The following SPTLC1 variants were observed in gnomAD, a reference collection of about 807,000 sequenced individuals.
SPTLC1 encodes the protein serine palmitoyltransferase long chain base subunit 1, also known as serine palmitoyltransferase 1.
SPTLC1 carries 55 observed loss-of-function variants against 68.9 expected under a neutral mutation model. The ratio of observed to expected loss-of-function variants is 0.80; its 90% CI spans 0.64 to 1.00. The LOEUF (loss-of-function observed/expected upper bound fraction) is 1.00. SPTLC1 is among the 50% of genes least tolerant of loss of function. The pLI is 0.00. For missense variants in SPTLC1, 449 were observed against 573.1 expected (o/e 0.78, Z 2.21); for synonymous variants, 197 against 201.6 (o/e 0.98, Z 0.19).
intron 12 of SPTLC1, among the ~76,000 whole-genome samples, chr9:92,042,479 T>C (rs866541659): frequency 2.0e-5 from 3 of 152,036 alleles, no homozygotes; most frequent in African/African-American, 7.2e-5. Context: ...AATAATCAAG[T>C]AGAAAATATA....
chr9:92,054,201 A>T (rs1037701634), intron 8 of SPTLC1, among the ~76,000 whole-genome samples: 16 of 152,208 alleles, frequency 1.1e-4, no homozygotes, highest in African/African-American at 3.9e-4. Flanking sequence ...GAATCACTTG[A>T]ACCCAGGAGC....
chr9:92,062,887 G>A (rs561035200), intron 6 of SPTLC1, among the ~76,000 whole-genome samples: 1 of 152,274 alleles, frequency 6.6e-6, no homozygotes, highest in African/African-American at 2.4e-5. Flanking sequence ...GTAGTGTTGA[G>A]AGGGCAATTC....
At chr9:92,062,549 T>C (rs1406481871) in intron 6 of SPTLC1, among the ~76,000 whole-genome samples, 1 of 152,178 alleles carries the variant, frequency 6.6e-6, no homozygotes, top group Non-Finnish European at 1.5e-5. Context: ...AATACACATT[T>C]TTTAAGTGCC....
chr9:92,114,534 G>A (rs958696940), intron 1 of SPTLC1, among the ~76,000 whole-genome samples: 4 of 152,030 alleles, frequency 2.6e-5, no homozygotes, highest in African/African-American at 7.2e-5. Flanking sequence ...TCGGGAGTTC[G>A]AGACCAGCCT....
intron 3 of SPTLC1, among the ~76,000 whole-genome samples, chr9:92,089,949 A>C (rs1394719819): frequency 1.3e-5 from 2 of 152,222 alleles, no homozygotes; most frequent in East Asian, 3.8e-4. Flanking sequence ...CAGGGCAAAT[A>C]ATGATCCACT....
chr9:92,113,053 G>A (rs1836306027), intron 1 of SPTLC1, among the ~76,000 whole-genome samples: 1 of 151,296 alleles, frequency 6.6e-6, no homozygotes, highest in African/African-American at 2.4e-5. Context: ...GTTGTGGTGA[G>A]CCGAGATCAC....
chr9:92,038,378 A>G lies in SPTLC1; in HGVS notation c.1137-13T>C, dbSNP rs1398260318. 6.6e-7 allele frequency: 1 copy of G among 1,517,952 alleles called. No individual in the cohort carries two copies. Among genetic ancestry groups the G allele is most frequent in the Non-Finnish European group, 9.1e-7 (1 of 1,093,532 alleles). The allele number at this position is 1,517,952 out of a possible 1,614,324, so 94.0% of individuals were successfully genotyped here. A position where few individuals can be genotyped will look rare whatever the true frequency, so the allele number is the denominator to read the frequency against. On this transcript the variant is annotated splice_polypyrimidine_tract_variant and intron_variant, in intron 12 of 14. Transcript: ENST00000262554. ...TAATCCAGAAATGCTGAAGAAGGGA[A>G]ACACACACACAGCTGTAAGTCCCTT... is the stretch of plus-strand genomic sequence containing the variant.
At chr9:92,115,117 G>GC in intron 1 of SPTLC1, 197 bp downstream of exon 1, 6 of 560,908 alleles carry the variant, frequency 1.1e-5, no homozygotes, top group Non-Finnish European at 1.6e-5. Context: ...CTCAGTCCCA[G>GC]CCCCCGCCCC....
At position 92,080,876 on chromosome 9, in the gene SPTLC1, C is replaced by G. The variant is rs1834856783; in HGVS notation, c.348G>C (p.Arg116Ser). ...AGCAATATGTGCTACTCACCTTAAC[C>G]CTAGGGTTATCCAACAATCCAAGAA... ...FNFLGLLDNPRVKAAALASLK... is the reference protein window; with the variant it reads ...FNFLGLLDNPSVKAAALASLK... The change falls in exon 4 of 15, where the codon AGG becomes AGC. Residue 116 changes from arginine to serine, a missense_variant. By Grantham distance (110) the Arg-to-Ser change is moderately radical. This residue lies in a region of SPTLC1 where 391 missense variants were observed against 472.1 expected (regional missense o/e 0.83). Transcript: ENST00000262554. 2 of 1,611,634 alleles carry G rather than the reference C, an allele frequency of 1.2e-6. No individual in the cohort carries two copies. Among genetic ancestry groups the G allele is most frequent in the Non-Finnish European group, 1.7e-6 (2 of 1,177,884 alleles).
At chr9:92,104,613 A>T in intron 3 of SPTLC1, 1 of 1,476,006 alleles carries the variant, frequency 6.8e-7, no homozygotes, top group Non-Finnish European at 9.2e-7. Flanking sequence ...CCTTCATTAG[A>T]TGAGCAGGTG....
At chr9:92,074,382 A>G (rs1564101035) in intron 5 of SPTLC1, among the ~76,000 whole-genome samples, 1 of 152,040 alleles carries the variant, frequency 6.6e-6, no homozygotes, top group African/African-American at 2.4e-5. Context: ...TTAGACCAAG[A>G]TATTTTAACT....
chr9:92,090,469 G>A (rs1298161785), intron 3 of SPTLC1, among the ~76,000 whole-genome samples: 1 of 151,938 alleles, frequency 6.6e-6, no homozygotes, highest in Non-Finnish European at 1.5e-5. Context: ...AATATTAGCC[G>A]GGTGTGGTGG....
At chr9:92,081,841 A>C (rs1272018662) in intron 3 of SPTLC1, among the ~76,000 whole-genome samples, 1 of 152,256 alleles carries the variant, frequency 6.6e-6, no homozygotes, top group East Asian at 1.9e-4. Flanking sequence ...CACTGTAGCC[A>C]GAAAAAATGG....
At chr9:92,106,885 C>G (rs537297795) in intron 3 of SPTLC1, among the ~76,000 whole-genome samples, 64 of 152,192 alleles carry the variant, frequency 4.2e-4, no homozygotes, top group Middle Eastern at 3.4e-3. Flanking sequence ...CCTCCTACAC[C>G]CATATGTGTG....
At chr9:92,079,158 C>T (rs1001880259) in intron 5 of SPTLC1, 6 of 402,964 alleles carry the variant, frequency 1.5e-5, no homozygotes, top group Non-Finnish European at 2.2e-5. Context: ...TCACTGCAAC[C>T]TCTGCCTCCC....
chr9:92,072,961 C>A (rs550237360), intron 5 of SPTLC1, among the ~76,000 whole-genome samples: 62 of 151,932 alleles, frequency 4.1e-4, no homozygotes, highest in Middle Eastern at 3.4e-3. Context: ...CTCCCCCCAA[C>A]CCACCTATCC....
chr9:92,078,252 G>T (rs1834753242), intron 5 of SPTLC1, among the ~76,000 whole-genome samples: 1 of 152,180 alleles, frequency 6.6e-6, no homozygotes, highest in African/African-American at 2.4e-5. Flanking sequence ...AGCAGTCACA[G>T]AAAGCTTTCA....
chr9:92,039,452 G>A (rs907495645), intron 12 of SPTLC1, among the ~76,000 whole-genome samples: 9 of 151,932 alleles, frequency 5.9e-5, no homozygotes, highest in Non-Finnish European at 1.2e-4. Context: ...ATGGCATCTC[G>A]CTCTGTCACT....
At chr9:92,047,824 ACTAC>A (rs1833573659) in intron 9 of SPTLC1, 116 bp from the exon 10 acceptor site, 2 of 709,002 alleles carry the variant, frequency 2.8e-6, no homozygotes, top group African/African-American at 1.8e-5. Context: ...CTGGATTCAA[ACTAC>A]CTATCTACAT....
Sources: allele counts gnomAD v4.1 joint callset (sites outside exome capture counted in the v4.1 genomes callset), GRCh38; gene constraint gnomAD v4.1.1; regional missense constraint gnomAD v4.1.1; transcripts MANE v1.5; gene names NCBI Gene and HGNC (gene_info 2026-07-23, HGNC 2026-07-21).